Variants in EFCAB8 observed in about 807,000 individuals in gnomAD.
EFCAB8 encodes the protein EF-hand calcium-binding domain-containing protein 8.
EFCAB8 carries 100 observed loss-of-function variants against 116.3 expected under a neutral mutation model. The ratio of observed to expected loss-of-function variants is 0.86; its 90% confidence interval spans 0.73 to 1.02. EFCAB8 has a LOEUF of 1.02. Among genes scored for constraint, EFCAB8 ranks in the 50% least tolerant of loss-of-function variants. The pLI is 0.00. For missense variants in EFCAB8, 1,320 were observed against 1,416.9 expected, an observed-to-expected ratio of 0.93 and a Z score of 1.10; for synonymous variants, 558 against 567.9, an observed-to-expected ratio of 0.98 and a Z score of 0.25.
chr20:32,876,314 G>A (rs1057502423), intron 4 of EFCAB8, among the ~76,000 whole-genome samples: 3 of 152,214 alleles, frequency 2.0e-5, no homozygotes, highest in Non-Finnish European at 4.4e-5. Flanking sequence ...CACCTGCCAC[G>A]CGGCTGTGGT....
intron 23 of EFCAB8, among the ~76,000 whole-genome samples, chr20:32,947,057 T>C (rs573204809): frequency 2.0e-5 from 3 of 152,358 alleles, no homozygotes; most frequent in East Asian, 3.9e-4. Context: ...TGAGTCATTG[T>C]CAGTTTTGGA....
At chr20:32,917,630 G>A in intron 18 of EFCAB8, 125 bp downstream of exon 18, 1 of 1,109,442 alleles carries the variant, frequency 9.0e-7, no homozygotes, top group South Asian at 1.6e-5. Flanking sequence ...GTTCTGGATG[G>A]GGTGGGGAGC....
intron 1 of EFCAB8, among the ~76,000 whole-genome samples, chr20:32,859,977 C>CT: frequency 1.3e-5 from 2 of 152,302 alleles, no homozygotes; most frequent in Admixed American, 1.3e-4. Flanking sequence ...CCTTTCATCT[C>CT]TAACAGTTCC....
chr20:32,927,266 T>G (rs990763917), intron 20 of EFCAB8, among the ~76,000 whole-genome samples: 1 of 152,330 alleles, frequency 6.6e-6, no homozygotes, highest in Middle Eastern at 3.4e-3. Context: ...TTGAGCTTCA[T>G]GAACTTCACG....
chr20:32,940,023 C>CCCTTCCTTCCTTCCTT lies in EFCAB8; in HGVS notation c.2791-3568_2791-3553dup, dbSNP rs757461144. On this transcript the variant is annotated intron_variant, in intron 22 of 26. Transcript: ENST00000400522. The stretch of plus-strand genomic sequence containing the variant: ...TGCCTGCCTCCCTCCCTCCCTCCCT[C>CCCTTCCTTCCTTCCTT]CCTTCCTTCCTTCCTTCCTTCCTTC... Among the ~76,000 whole-genome samples, 73 of 56,114 alleles carry CCCTTCCTTCCTTCCTT rather than the reference C, an allele frequency of 1.3e-3. 2 individuals carry two copies. Among genetic ancestry groups the CCCTTCCTTCCTTCCTT allele is most frequent in the East Asian group, 9.1e-3 (20 of 2,194 alleles). The allele number at this position is 56,114 out of a possible 152,430, so 36.8% of individuals were successfully genotyped here.
Position 32,943,707 on chromosome 20 carries a change from T to C in EFCAB8, c.2862T>C (p.Ser954=). 1 of 417,016 alleles carries C rather than the reference T, an allele frequency of 2.4e-6. No individual in the cohort carries two copies. The highest frequency in any genetic ancestry group is 4.4e-6 in the Non-Finnish European group (1 of 226,496). 25.8% of individuals were successfully genotyped at this position (417,016 alleles called of 1,614,324 possible). Residue 954 remains serine (S), a synonymous_variant, in exon 23 of 27, where the codon AGT becomes AGC. Transcript: ENST00000400522. The part of the protein sequence containing the change: ...LLMTWKGHLN[S]VADILYVDNF... ...TGACCTGGAAAGGCCATTTGAATAG[T>C]GTGGCAGACATCCTGTATGTGGACA...
At chr20:32,959,144 C>G (rs539485306) in intron 24 of EFCAB8, among the ~76,000 whole-genome samples, 6 of 152,238 alleles carry the variant, frequency 3.9e-5, no homozygotes, top group African/African-American at 1.4e-4. Context: ...TCTAGAAATA[C>G]AAGACATCCA....
In EFCAB8 at chr20:32,889,421, G is replaced by T. The variant is rs1343670363; in HGVS notation, c.673+15G>T. On this transcript the variant is annotated intron_variant, in intron 7 of 26. Coordinates refer to ENST00000400522, the MANE Select transcript of EFCAB8 (RefSeq NM_001143967.2). The stretch of plus-strand genomic sequence containing the variant: ...GCAAAAGATAGGTGAGTCCCTGGGG[G>T]CTTCCCAGCTCTGCTCTCAGCCACT... The T allele has an allele frequency of 2.6e-6, 4 of 1,549,662 alleles. No individual in the cohort carries two copies. The highest frequency in any genetic ancestry group is 2.6e-6 in the Non-Finnish European group (3 of 1,145,224).
intron 17 of EFCAB8, among the ~76,000 whole-genome samples, chr20:32,914,988 C>A (rs867082912): frequency 6.6e-6 from 1 of 152,024 alleles, no homozygotes; most frequent in Non-Finnish European, 1.5e-5. Flanking sequence ...AGCCTCAGCT[C>A]CTAGGCTCAA....
chr20:32,894,077 A>T (rs1349063117), intron 9 of EFCAB8, among the ~76,000 whole-genome samples: 1 of 152,190 alleles, frequency 6.6e-6, no homozygotes, highest in Non-Finnish European at 1.5e-5. Context: ...CCCAGAGGAT[A>T]CGGCTCAGGG....
At chr20:32,860,478 C>G (rs546429623) in intron 1 of EFCAB8, among the ~76,000 whole-genome samples, 1 of 139,782 alleles carries the variant, frequency 7.2e-6, no homozygotes, top group African/African-American at 2.8e-5. Context: ...TTTGTTCCAT[C>G]GCTGATGGTG....
intron 7 of EFCAB8, among the ~76,000 whole-genome samples, chr20:32,890,038 G>A (rs976677356): frequency 6.7e-6 from 1 of 148,540 alleles, no homozygotes; most frequent in Non-Finnish European, 1.5e-5. Context: ...TGCATGCCGC[G>A]CTTCCCTGAT....
intron 6 of EFCAB8, among the ~76,000 whole-genome samples, chr20:32,885,853 T>G (rs1365750290): frequency 3.9e-5 from 6 of 152,188 alleles, no homozygotes; most frequent in Non-Finnish European, 8.8e-5. Flanking sequence ...GTCCATTCCC[T>G]GTGGGTGTCT....
intron 23 of EFCAB8, among the ~76,000 whole-genome samples, chr20:32,951,361 C>T (rs992795871): frequency 2.0e-5 from 3 of 152,176 alleles, no homozygotes; most frequent in Admixed American, 6.5e-5. Flanking sequence ...AGAATTGATA[C>T]GTTATACAAC....
At chr20:32,955,395 C>G (rs1988933367) in intron 23 of EFCAB8, among the ~76,000 whole-genome samples, 1 of 152,072 alleles carries the variant, frequency 6.6e-6, no homozygotes, top group South Asian at 2.1e-4. Context: ...AAAAACTTAG[C>G]TGGGCATGGA....
intron 5 of EFCAB8, among the ~76,000 whole-genome samples, chr20:32,883,933 T>C (rs1337433816): frequency 6.6e-6 from 1 of 152,118 alleles, no homozygotes; most frequent in East Asian, 1.9e-4. Context: ...TCAAGTGGTC[T>C]GCCCGCCTCC....
intron 5 of EFCAB8, among the ~76,000 whole-genome samples, chr20:32,880,336 T>G (rs933152079): frequency 6.6e-6 from 1 of 151,924 alleles, no homozygotes; most frequent in Non-Finnish European, 1.5e-5. Flanking sequence ...TGGCTTGATC[T>G]TGGCTCACTG....
chr20:32,961,274 G>A lies in EFCAB8; in HGVS notation c.3532G>A (p.Val1178Met). 1 of 1,550,500 alleles carries A rather than the reference G, an allele frequency of 6.4e-7. No individual in the cohort carries two copies. The highest frequency in any genetic ancestry group is 8.7e-7 in the Non-Finnish European group (1 of 1,146,288). The change falls in exon 27 of 27, where the codon GTG (valine) becomes ATG (methionine). Residue 1178 changes from valine to methionine, a missense_variant. Val to Met is a conservative substitution (Grantham distance 21, BLOSUM62 1). Transcript: ENST00000400522. ...LVAHHVQKDL[V>M]PSREQAVLDT... The stretch of plus-strand genomic sequence containing the variant: ...GGCCCACCATGTCCAGAAGGACCTG[G>A]TGCCCAGCAGGGAGCAGGCTGTGCT...
At chr20:32,864,356 G>A (rs1487761626) in intron 2 of EFCAB8, among the ~76,000 whole-genome samples, 2 of 151,988 alleles carry the variant, frequency 1.3e-5, no homozygotes, top group Non-Finnish European at 2.9e-5. Flanking sequence ...GGTGAAGGCA[G>A]GAGGATCGCT....
Sources: allele counts gnomAD v4.1 joint callset (sites outside exome capture counted in the v4.1 genomes callset), GRCh38; gene constraint gnomAD v4.1.1; transcripts MANE v1.5; gene names NCBI Gene and HGNC (gene_info 2026-07-23, HGNC 2026-07-21).